The following EML6 variants were observed in gnomAD, a reference collection of about 807,000 sequenced individuals.
The protein encoded by EML6 is echinoderm microtubule-associated protein-like 6.
A neutral mutation model predicts 240.1 loss-of-function variants in EML6; 154 were observed. The observed-to-expected ratio is 0.64, with a 90% CI of 0.56 to 0.73. The LOEUF (loss-of-function observed/expected upper bound fraction) is 0.73. Among genes scored for constraint, EML6 ranks in the 30% least tolerant of loss-of-function variants. The probability of loss-of-function intolerance (pLI) is 0.00; values close to 1 mark genes in which losing one functional copy is unlikely to be tolerated. For synonymous variants in EML6, 1,148 were observed against 899.0 expected, an observed-to-expected ratio of 1.28 and a Z score of -4.95; for missense variants, 2,964 against 2,474.6, an observed-to-expected ratio of 1.20 and a Z score of -4.20.
chr2:54,866,745 A>G, intron 13 of EML6, 21 bp from the exon 14 acceptor site: 1 of 1,440,184 alleles, frequency 6.9e-7, no homozygotes, highest in Non-Finnish European at 9.5e-7. Context: ...TCTCACCCAG[A>G]TGTTTCTGTT....
chr2:54,818,987 A>G (rs938950257), intron 4 of EML6, among the ~76,000 whole-genome samples: 6 of 152,204 alleles, frequency 3.9e-5, no homozygotes, highest in African/African-American at 9.6e-5. Flanking sequence ...AAATGACTTT[A>G]TATACCTTAT....
chr2:54,907,936 ATAGATAGATAAGAT>A (rs1673420604), intron 24 of EML6, among the ~76,000 whole-genome samples: 2 of 42,562 alleles, frequency 4.7e-5, no homozygotes, highest in African/African-American at 8.5e-5. Context: ...AGATAGATAG[ATAGATAGATAAGAT>A]AGATAGATAG....
intron 28 of EML6, among the ~76,000 whole-genome samples, chr2:54,939,771 C>G (rs1232985683): frequency 6.6e-6 from 1 of 152,176 alleles, no homozygotes; most frequent in Non-Finnish European, 1.5e-5. Context: ...ATTTGGGCAT[C>G]CCATACAAGT....
At chr2:54,792,024 C>T (rs771216538) in intron 2 of EML6, among the ~76,000 whole-genome samples, 1 of 152,194 alleles carries the variant, frequency 6.6e-6, no homozygotes, top group Non-Finnish European at 1.5e-5. Context: ...TCCGCATAAG[C>T]AGACATCAGA....
chr2:54,948,177 T>C (rs1423294088), intron 28 of EML6, among the ~76,000 whole-genome samples: 1 of 152,202 alleles, frequency 6.6e-6, no homozygotes, highest in African/African-American at 2.4e-5. Flanking sequence ...CCATTAGGGC[T>C]TACACATTAT....
chr2:54,804,767 T>G (rs950030743), intron 2 of EML6, among the ~76,000 whole-genome samples: 1 of 152,242 alleles, frequency 6.6e-6, no homozygotes, highest in East Asian at 1.9e-4. Flanking sequence ...GGAACACTTC[T>G]AATTTTCAGG....
intron 2 of EML6, among the ~76,000 whole-genome samples, chr2:54,766,439 G>C (rs73934849): frequency 0.025 from 3,804 of 152,196 alleles, 163 homozygotes; most frequent in African/African-American, 0.087. Flanking sequence ...GTTTGGGTTT[G>C]TCCAGTGTTT....
At position 54,903,405 on chromosome 2, in the gene EML6, T is replaced by A. The variant is rs1445886649; in HGVS notation, c.3312T>A (p.Asp1104Glu). Reference sequence around the variant, plus strand: ...AATACCTTGCCGTGGCATCCCATGATAACTTTGTGGATATTTACAACGTAC... The same window carrying A: ...AATACCTTGCCGTGGCATCCCATGAAAACTTTGTGGATATTTACAACGTAC... ...TGKYLAVASH[D>E]NFVDIYNVLT... The change falls in exon 24 of 42, where the codon GAT becomes GAA. Residue 1104 changes from aspartate to glutamate, a missense_variant. Physicochemically the swap from Asp to Glu is conservative, Grantham distance 45. Coordinates refer to ENST00000356458, the MANE Select transcript of EML6 (RefSeq NM_001039753.4). The A allele has an allele frequency of 6.4e-7, 1 of 1,551,730 alleles. No individual in the cohort carries two copies. The highest frequency in any genetic ancestry group is 1.4e-5 in the African/African-American group (1 of 73,070).
At chr2:54,959,747 A>AG (rs1676407951) in intron 34 of EML6, among the ~76,000 whole-genome samples, 1 of 152,148 alleles carries the variant, frequency 6.6e-6, no homozygotes, top group Non-Finnish European at 1.5e-5. Flanking sequence ...GGGCGACAAG[A>AG]GTGAAACTCC....
At chr2:54,785,835 C>G (rs899690449) in intron 2 of EML6, among the ~76,000 whole-genome samples, 1 of 151,736 alleles carries the variant, frequency 6.6e-6, no homozygotes, top group African/African-American at 2.4e-5. Flanking sequence ...TGTCACAAAT[C>G]TCCAAAAAAA....
At chr2:54,812,645 C>G (rs765281002) in intron 2 of EML6, among the ~76,000 whole-genome samples, 71 of 151,900 alleles carry the variant, frequency 4.7e-4, no homozygotes, top group Non-Finnish European at 9.3e-4. Flanking sequence ...GCTATACAAA[C>G]CACAATTGTA....
intron 37 of EML6, 55 bp from the exon 38 acceptor site, chr2:54,964,516 G>C: frequency 6.6e-7 from 1 of 1,522,138 alleles, no homozygotes; most frequent in Non-Finnish European, 8.9e-7. Flanking sequence ...CTTCGTGCCT[G>C]ACCAGCCCCA....
intron 28 of EML6, among the ~76,000 whole-genome samples, chr2:54,945,793 C>G (rs193197516): frequency 1.3e-5 from 2 of 152,236 alleles, no homozygotes; most frequent in Non-Finnish European, 2.9e-5. Flanking sequence ...GGCAAGAGCC[C>G]GTGTCAGGAT....
At position 54,970,059 on chromosome 2, in the gene EML6, C is replaced by A; in HGVS notation, c.5853-12C>A. 7 of 1,551,684 alleles carry A rather than the reference C, an allele frequency of 4.5e-6. No individual in the cohort carries two copies. Among genetic ancestry groups the A allele is most frequent in the Non-Finnish European group, 6.1e-6 (7 of 1,146,930 alleles). ...CAGCTATGCAAAATGACTGTTTGATCTGCCTTTTCAGTGTATTTGTGTGGC... is the reference window on the plus strand; with the variant it reads ...CAGCTATGCAAAATGACTGTTTGATATGCCTTTTCAGTGTATTTGTGTGGC... On this transcript the variant is annotated splice_polypyrimidine_tract_variant and intron_variant, in intron 41 of 41. Transcript: ENST00000356458.
chr2:54,884,914 C>T (rs187446927), intron 17 of EML6, among the ~76,000 whole-genome samples: 77 of 152,298 alleles, frequency 5.1e-4, no homozygotes, highest in African/African-American at 1.7e-3. Context: ...GGGCTCATGC[C>T]TATAATCCCA....
intron 7 of EML6, among the ~76,000 whole-genome samples, chr2:54,831,517 G>A (rs1031197103): frequency 6.6e-6 from 1 of 152,058 alleles, no homozygotes; most frequent in Non-Finnish European, 1.5e-5. Flanking sequence ...GACGCCCTCC[G>A]TTATACATCA....
intron 26 of EML6, among the ~76,000 whole-genome samples, chr2:54,918,513 A>AT (rs900383120): frequency 5.3e-5 from 8 of 151,856 alleles, no homozygotes; most frequent in Admixed American, 2.0e-4. Flanking sequence ...TGCCCAGCTA[A>AT]TTTTTTTACT....
chr2:54,916,880 T>C lies in EML6; in HGVS notation c.3620T>C (p.Leu1207Pro). Reference sequence around the variant, plus strand: ...GCCAGTCTTACCAAAGACTGTTCCCTTTTAGCCACCGGAGATGATTTTGGT... The same window carrying C: ...GCCAGTCTTACCAAAGACTGTTCCCCTTTAGCCACCGGAGATGATTTTGGT... ...NAASLTKDCSLLATGDDFGFV... is the reference protein window; with the variant it reads ...NAASLTKDCSPLATGDDFGFV... The change falls in exon 26 of 42, where the codon CTT becomes CCT. Residue 1207 changes from leucine to proline, a missense_variant. Transcript: ENST00000356458. 1 of 1,549,546 alleles carries C rather than the reference T, an allele frequency of 6.5e-7. No individual in the cohort carries two copies. Among genetic ancestry groups the C allele is most frequent in the Non-Finnish European group, 8.7e-7 (1 of 1,145,186 alleles).
chr2:54,873,488 G>A (rs1034159004), intron 16 of EML6, among the ~76,000 whole-genome samples: 1 of 152,188 alleles, frequency 6.6e-6, no homozygotes, highest in Admixed American at 6.5e-5. Context: ...TGGACATGCA[G>A]TTTTAAAATA....
Sources: gnomAD v4.1 joint callset for allele counts (sites outside exome capture counted in the v4.1 genomes callset) on GRCh38, gnomAD v4.1.1 for gene constraint, MANE v1.5 for transcripts, NCBI Gene and HGNC (gene_info 2026-07-23, HGNC 2026-07-21) for gene names.